The following SH3GL3 variants were observed in gnomAD, a reference collection of about 807,000 sequenced individuals.
The protein encoded by SH3GL3 is endophilin-A3.
Under a neutral mutation model 47.7 loss-of-function variants are expected in SH3GL3, and 33 were observed. That is an observed-to-expected ratio of 0.69 (90% CI 0.52 to 0.92). SH3GL3 has a LOEUF of 0.92. Ranked by LOEUF, SH3GL3 falls within the 40% of genes least tolerant of loss-of-function variation. The pLI, the probability that SH3GL3 is intolerant of heterozygous loss-of-function variation, is 0.00. For missense variants in SH3GL3, 363 were observed against 417.8 expected, an observed-to-expected ratio of 0.87 and a Z score of 1.14; for synonymous variants, 155 against 148.8, an observed-to-expected ratio of 1.04 and a Z score of -0.30.
chr15:83,560,243 A>G (rs766849364), intron 2 of SH3GL3, among the ~76,000 whole-genome samples: 13 of 152,218 alleles, frequency 8.5e-5, no homozygotes, highest in Non-Finnish European at 1.9e-4. Context: ...GTCCAGCCCC[A>G]GGCTGCGCAC....
At chr15:83,557,914 T>C (rs1393272991) in intron 1 of SH3GL3, among the ~76,000 whole-genome samples, 1 of 152,200 alleles carries the variant, frequency 6.6e-6, no homozygotes, top group Non-Finnish European at 1.5e-5. Context: ...TTTTGTAGTC[T>C]TCTGTATCTG....
chr15:83,543,547 ATTTT>A (rs1367995000), intron 1 of SH3GL3, among the ~76,000 whole-genome samples: 1 of 151,776 alleles, frequency 6.6e-6, no homozygotes, highest in African/African-American at 2.4e-5. Context: ...CTCCTCCTCT[ATTTT>A]TTAGTATAAT....
chr15:83,490,865 A>G lies in SH3GL3; in HGVS notation c.45+43287A>G, dbSNP rs1408879657. ...GGAATCTTTGCTGGGATAATATGCA[A>G]TCAAGCTAATAGGTGCCTTACCTGG... On this transcript the variant is annotated intron_variant, in intron 1 of 8. Coordinates refer to ENST00000427482, the MANE Select transcript of SH3GL3 (RefSeq NM_003027.5). The G allele has an allele frequency of 6.8e-6, 11 of 1,614,212 alleles. No individual in the cohort carries two copies. In the East Asian group the frequency reaches 1.1e-4, roughly 16 times the overall value.
intron 3 of SH3GL3, among the ~76,000 whole-genome samples, chr15:83,567,505 G>A (rs1394391310): frequency 1.3e-5 from 2 of 152,144 alleles, no homozygotes; most frequent in Non-Finnish European, 2.9e-5. Flanking sequence ...AGGAAGGAAA[G>A]GAAGGTAAGA....
intron 8 of SH3GL3, among the ~76,000 whole-genome samples, chr15:83,590,891 G>C (rs1325453760): frequency 6.6e-6 from 1 of 152,176 alleles, no homozygotes; most frequent in Non-Finnish European, 1.5e-5. Flanking sequence ...TCTTAATAGG[G>C]TCTTTCACAG....
intron 1 of SH3GL3, among the ~76,000 whole-genome samples, chr15:83,511,616 C>T (rs1052360676): frequency 5.9e-5 from 9 of 152,086 alleles, no homozygotes; most frequent in Admixed American, 3.3e-4. Flanking sequence ...ACTACTACTA[C>T]GGGTATTTAC....
chr15:83,459,806 C>T (rs368313567), intron 1 of SH3GL3, among the ~76,000 whole-genome samples: 13 of 152,260 alleles, frequency 8.5e-5, no homozygotes, highest in Non-Finnish European at 1.6e-4. Context: ...CCACGTCTCA[C>T]GACATACAAT....
rs543833932 is a variant in SH3GL3, at chr15:83,447,747, C to G, written c.45+169C>G. Among the ~76,000 whole-genome samples the G allele has an allele frequency of 2.2e-4, 33 of 152,306 alleles. No individual in the cohort carries two copies. The highest frequency in any genetic ancestry group is 5.2e-4 in the Admixed American group (8 of 15,300). ...GGTGAGGGGCCGCCTGCTCTCTCCT[C>G]GGCGTCTTGGCGCCTTCTCCTTCCC... On this transcript the variant is annotated intron_variant, in intron 1 of 8. Transcript: ENST00000427482. The surrounding 1 kb of genome is among the most constrained non-coding windows in gnomAD (Gnocchi z 5.1).
At chr15:83,632,162 A>C in the SH3GL3 span, among the ~76,000 whole-genome samples, 2 of 152,186 alleles carry the variant, frequency 1.3e-5, no homozygotes, top group East Asian at 1.9e-4. Context: ...CCTGGACTTC[A>C]TTGTCCATAT....
intron 1 of SH3GL3, among the ~76,000 whole-genome samples, chr15:83,513,361 C>T (rs561706841): frequency 4.6e-5 from 7 of 152,340 alleles, no homozygotes; most frequent in Non-Finnish European, 1.5e-5. Context: ...CAAGAGGTTT[C>T]ATGATCTTAT....
chr15:83,601,879 G>A (rs1476757373), intron 8 of SH3GL3, among the ~76,000 whole-genome samples: 2 of 145,284 alleles, frequency 1.4e-5, no homozygotes, highest in Admixed American at 1.4e-4. Flanking sequence ...CTTGCTGCTT[G>A]TTATTGGTCT....
chr15:83,594,802 A>G (rs1445567224), intron 8 of SH3GL3, among the ~76,000 whole-genome samples: 1 of 152,142 alleles, frequency 6.6e-6, no homozygotes, highest in African/African-American at 2.4e-5. Flanking sequence ...CCCATCACCT[A>G]CCATCTCACA....
chr15:83,461,061 C>T (rs1021665016), intron 1 of SH3GL3, among the ~76,000 whole-genome samples: 6 of 150,192 alleles, frequency 4.0e-5, no homozygotes, highest in Admixed American at 1.3e-4. Flanking sequence ...TCAGCCTGGG[C>T]GACAGAGCGA....
At chr15:83,560,827 A>T (rs1481751034) in intron 2 of SH3GL3, among the ~76,000 whole-genome samples, 1 of 152,210 alleles carries the variant, frequency 6.6e-6, no homozygotes, top group Non-Finnish European at 1.5e-5. Flanking sequence ...CTAACCATAT[A>T]AAAATAGAGG....
intron 2 of SH3GL3, among the ~76,000 whole-genome samples, chr15:83,561,048 A>G (rs2045243466): frequency 6.6e-6 from 1 of 152,150 alleles, no homozygotes; most frequent in Non-Finnish European, 1.5e-5. Context: ...TAGACTTCAC[A>G]TACCTCTCTC....
In SH3GL3 at chr15:83,551,255, C is replaced by G. The variant is rs540077984; in HGVS notation, c.46-7998C>G. 3.5e-4 allele frequency among the ~76,000 whole-genome samples: 53 copies of G among 152,264 alleles called. 1 individual carries two copies. The highest frequency in any genetic ancestry group is 6.8e-3 in the Middle Eastern group (2 of 294). ...AGGATTTTATCTCTGACTGTAGCACCAAGGCAACCTGAGATAGGTCTAATT... is the reference window on the plus strand; with the variant it reads ...AGGATTTTATCTCTGACTGTAGCACGAAGGCAACCTGAGATAGGTCTAATT... On this transcript the variant is annotated intron_variant, in intron 1 of 8. Coordinates refer to ENST00000427482, the MANE Select transcript of SH3GL3 (RefSeq NM_003027.5).
chr15:83,459,908 T>C (rs1241578770), intron 1 of SH3GL3, among the ~76,000 whole-genome samples: 1 of 151,960 alleles, frequency 6.6e-6, no homozygotes, highest in Non-Finnish European at 1.5e-5. Context: ...ACTCTCACTC[T>C]CAACTTTTTC....
rs1157115400 is a variant in SH3GL3 at position 83,565,170 on chromosome 15, C to G, written c.151C>G (p.Leu51Val). 2 of 1,581,488 alleles carry G rather than the reference C, an allele frequency of 1.3e-6. No individual in the cohort carries two copies. The highest frequency in any genetic ancestry group is 3.4e-5 in the Admixed American group (2 of 58,290). ...DVTNKVVAEI[L>V]SKTTEYLQPN... Reference sequence around the variant, plus strand: ...TACCAATAAAGTTGTTGCAGAAATTCTTTCAAAAACCACTGAATATCTTCA... The same window carrying G: ...TACCAATAAAGTTGTTGCAGAAATTGTTTCAAAAACCACTGAATATCTTCA... The change falls in exon 3 of 9, where the codon CTT becomes GTT. Residue 51 changes from leucine (L) to valine (V), a missense_variant. Transcript: ENST00000427482.
Position 83,447,408 on chromosome 15 carries a change from G to C in SH3GL3, c.-126G>C. 1 of 637,882 alleles carries C rather than the reference G, an allele frequency of 1.6e-6. No homozygotes were observed. Among genetic ancestry groups the C allele is most frequent in the Non-Finnish European group, 2.3e-6 (1 of 438,356 alleles). 39.5% of individuals were successfully genotyped at this position (637,882 alleles called of 1,614,324 possible). A position where few individuals can be genotyped will look rare whatever the true frequency, so the allele number is the denominator to read the frequency against. On this transcript the variant is annotated 5_prime_UTR_variant, in exon 1 of 9. Transcript: ENST00000427482. The surrounding 1 kb of genome is among the most constrained non-coding windows in gnomAD (Gnocchi z 5.1). ...CGGCTGTGGCTGTGGCCGTGGCCGT[G>C]GGAGGCGGGCCCGGCGGAGCCCAGC...
Sources: gnomAD v4.1 joint callset for allele counts (sites outside exome capture counted in the v4.1 genomes callset) on GRCh38, gnomAD v4.1.1 for gene constraint, Gnocchi (gnomAD v3.1) non-coding constraint, MANE v1.5 for transcripts, NCBI Gene and HGNC (gene_info 2026-07-23, HGNC 2026-07-21) for gene names.